Variants in CNTNAP2 observed in about 807,000 individuals in gnomAD.
CNTNAP2 encodes the protein contactin-associated protein-like 2.
Under a neutral mutation model 155.2 loss-of-function variants are expected in CNTNAP2, and 98 were observed. The observed-to-expected ratio is 0.63, with a 90% CI of 0.54 to 0.75. The LOEUF (loss-of-function observed/expected upper bound fraction) is 0.75, where lower values mean the gene tolerates loss of function less well. CNTNAP2 is among the 30% of genes least tolerant of loss of function. The probability of loss-of-function intolerance (pLI) is 0.00; values close to 1 mark genes in which losing one functional copy is unlikely to be tolerated. For synonymous variants in CNTNAP2, 651 were observed against 631.2 expected (o/e 1.03, Z -0.47); for missense variants, 1,727 against 1,688.1 (o/e 1.02, Z -0.40).
At chr7:146,123,874 A>G (rs1447618317) in intron 1 of CNTNAP2, among the ~76,000 whole-genome samples, 2 of 152,206 alleles carry the variant, frequency 1.3e-5, no homozygotes, top group Admixed American at 6.5e-5. Flanking sequence ...AATAGACTGG[A>G]CAAAGAAAAT....
chr7:146,382,732 A>G (rs1028619658), intron 1 of CNTNAP2, among the ~76,000 whole-genome samples: 4 of 152,180 alleles, frequency 2.6e-5, no homozygotes, highest in African/African-American at 9.7e-5. Context: ...GGATCTGCTT[A>G]AACAAATAAA....
chr7:148,075,981 C>T (rs1486093949), intron 15 of CNTNAP2, among the ~76,000 whole-genome samples: 1 of 152,100 alleles, frequency 6.6e-6, no homozygotes, highest in African/African-American at 2.4e-5. Context: ...TTTTCCTCCC[C>T]GTACAGTCTT....
At chr7:147,981,487 C>T (rs943782295) in intron 15 of CNTNAP2, among the ~76,000 whole-genome samples, 1 of 152,218 alleles carries the variant, frequency 6.6e-6, no homozygotes, top group Non-Finnish European at 1.5e-5. Flanking sequence ...AAAGACTAAA[C>T]CTATTGTTGA....
intron 1 of CNTNAP2, among the ~76,000 whole-genome samples, chr7:146,650,996 A>C (rs78746748): frequency 0.044 from 6,737 of 151,664 alleles, 171 homozygotes; most frequent in Middle Eastern, 0.093. Context: ...TAGTGACTGC[A>C]CTCCAGCCTG....
chr7:146,620,676 T>C (rs1025735107), intron 1 of CNTNAP2, among the ~76,000 whole-genome samples: 3 of 152,182 alleles, frequency 2.0e-5, no homozygotes, highest in African/African-American at 7.2e-5. Context: ...GCTGTGAATA[T>C]GCAGGAGATA....
chr7:146,789,953 A>C (rs1326828115), intron 2 of CNTNAP2, among the ~76,000 whole-genome samples: 1 of 151,424 alleles, frequency 6.6e-6, no homozygotes, highest in African/African-American at 2.4e-5. Flanking sequence ...TGGCATCAAT[A>C]ATAACAATAT....
chr7:146,565,812 A>G (rs1798348314), intron 1 of CNTNAP2, among the ~76,000 whole-genome samples: 2 of 152,252 alleles, frequency 1.3e-5, no homozygotes, highest in African/African-American at 4.8e-5. Flanking sequence ...CCATACTTCA[A>G]ATATGAAAGG....
intron 3 of CNTNAP2, among the ~76,000 whole-genome samples, chr7:147,016,471 T>C (rs1051288094): frequency 6.6e-6 from 1 of 151,990 alleles, no homozygotes; most frequent in Non-Finnish European, 1.5e-5. Flanking sequence ...TACTATAAAG[T>C]ATATGTTTGG....
rs1437362905 is a variant in CNTNAP2 at position 147,573,264 on chromosome 7, C to T, written c.1897+11007C>T. Among the ~76,000 whole-genome samples, 3 of 152,136 alleles carry T rather than the reference C, an allele frequency of 2.0e-5. No individual in the cohort carries two copies. The South Asian group carries it at 6.2e-4, about 32-fold the overall frequency. ...TCAAAAAATCTGTTTGCTGCATTTA[C>T]GTACAGACAATTTCATTAGCATTGA... On this transcript the variant is annotated intron_variant, in intron 12 of 23. Coordinates refer to ENST00000361727, the MANE Select transcript of CNTNAP2 (RefSeq NM_014141.6).
intron 13 of CNTNAP2, among the ~76,000 whole-genome samples, chr7:147,739,779 C>G (rs1489757759): frequency 1.3e-5 from 2 of 151,988 alleles, no homozygotes; most frequent in Admixed American, 1.3e-4. Context: ...TCATCAATAT[C>G]ATCAATGAAA....
intron 15 of CNTNAP2, among the ~76,000 whole-genome samples, chr7:147,986,299 C>G (rs1801617279): frequency 6.6e-6 from 1 of 152,162 alleles, no homozygotes; most frequent in South Asian, 2.1e-4. Flanking sequence ...ATGATGGGCT[C>G]ATACATGATT....
chr7:147,308,356 TA>T (rs1795067933), intron 9 of CNTNAP2, among the ~76,000 whole-genome samples: 1 of 152,150 alleles, frequency 6.6e-6, no homozygotes, highest in Non-Finnish European at 1.5e-5. Context: ...GCTGTTTTGG[TA>T]AAAGGCTGTA....
At chr7:146,802,143 C>T (rs1009517778) in intron 2 of CNTNAP2, among the ~76,000 whole-genome samples, 13 of 152,132 alleles carry the variant, frequency 8.5e-5, no homozygotes, top group African/African-American at 2.9e-4. Context: ...GGTCAGAAGT[C>T]CATGTGGACC....
chr7:146,958,377 G>A (rs998278095), intron 3 of CNTNAP2, among the ~76,000 whole-genome samples: 49 of 135,678 alleles, frequency 3.6e-4, no homozygotes, highest in Admixed American at 2.2e-4. Flanking sequence ...CTACGCTGAT[G>A]CTTTTTTTTC....
intron 15 of CNTNAP2, among the ~76,000 whole-genome samples, chr7:148,115,937 G>A (rs764680667): frequency 3.3e-4 from 50 of 152,072 alleles, no homozygotes; most frequent in Non-Finnish European, 5.4e-4. Flanking sequence ...TCAGGAGTTC[G>A]AGACCAGCCT....
chr7:146,418,277 C>A (rs112214711), intron 1 of CNTNAP2, among the ~76,000 whole-genome samples: 12 of 152,176 alleles, frequency 7.9e-5, no homozygotes, highest in Non-Finnish European at 1.3e-4. Flanking sequence ...CTGTTTCACT[C>A]GGCCACAAAT....
chr7:148,269,551 G>C (rs567002425), intron 21 of CNTNAP2, among the ~76,000 whole-genome samples: 1 of 152,322 alleles, frequency 6.6e-6, no homozygotes, highest in Non-Finnish European at 1.5e-5. Flanking sequence ...TTGCAGATGA[G>C]AAAACTGAAG....
chr7:146,186,003 T>C (rs951928767), intron 1 of CNTNAP2, among the ~76,000 whole-genome samples: 2 of 152,140 alleles, frequency 1.3e-5, no homozygotes, highest in Non-Finnish European at 2.9e-5. Flanking sequence ...GGTGTTAAAA[T>C]TGTTTCTCTC....
chr7:147,648,675 T>C (rs895496379), intron 13 of CNTNAP2, among the ~76,000 whole-genome samples: 1 of 152,122 alleles, frequency 6.6e-6, no homozygotes, highest in Non-Finnish European at 1.5e-5. Flanking sequence ...TTATTCACTA[T>C]CATGAGAGTA....
Sources: gnomAD v4.1 joint callset for allele counts (sites outside exome capture counted in the v4.1 genomes callset) on GRCh38, gnomAD v4.1.1 for gene constraint, MANE v1.5 for transcripts, NCBI Gene and HGNC (gene_info 2026-07-23, HGNC 2026-07-21) for gene names.